MIPOL1: variants seen among roughly 807,000 people sequenced by gnomAD.
The protein encoded by MIPOL1 is mirror-image polydactyly 1.
A neutral mutation model predicts 60.9 loss-of-function variants in MIPOL1; 57 were observed. That is an observed-to-expected ratio of 0.94 (90% confidence interval 0.76 to 1.17). The LOEUF is 1.17. Ranked by LOEUF, MIPOL1 falls within the 50% of genes most tolerant of loss-of-function variation. The pLI, the probability that MIPOL1 is intolerant of heterozygous loss-of-function variation, is 0.00. For synonymous variants in MIPOL1, 179 were observed against 168.8 expected (o/e 1.06, Z -0.47); for missense variants, 551 against 511.6 (o/e 1.08, Z -0.74).
intron 7 of MIPOL1, among the ~76,000 whole-genome samples, chr14:37,303,465 A>G (rs778525480): frequency 1.3e-4 from 20 of 151,908 alleles, no homozygotes; most frequent in African/African-American, 2.2e-4. Flanking sequence ...GGTTTATTCT[A>G]TCTCTTTAAC....
chr14:37,250,382 T>C (rs1973890334), intron 3 of MIPOL1, among the ~76,000 whole-genome samples: 1 of 152,012 alleles, frequency 6.6e-6, no homozygotes, highest in African/African-American at 2.4e-5. Flanking sequence ...ATCCTGTCTC[T>C]ACTAAAAATA....
intron 12 of MIPOL1, among the ~76,000 whole-genome samples, chr14:37,521,885 G>GGAA (rs754408383): frequency 7.7e-6 from 1 of 130,352 alleles, no homozygotes; most frequent in Non-Finnish European, 1.6e-5. Context: ...TTTATCTAAA[G>GGAA]AAAAAAAAAT....
intron 10 of MIPOL1, among the ~76,000 whole-genome samples, chr14:37,375,323 C>G (rs1191208167): frequency 6.6e-6 from 1 of 152,098 alleles, no homozygotes; most frequent in African/African-American, 2.4e-5. Context: ...GTTCCCCCAC[C>G]TCAGCCTCCC....
At chr14:37,218,655 G>T (rs1402226137) in intron 1 of MIPOL1, among the ~76,000 whole-genome samples, 1 of 152,072 alleles carries the variant, frequency 6.6e-6, no homozygotes, top group Non-Finnish European at 1.5e-5. Flanking sequence ...AAAAACAGAG[G>T]CTGTGTGTGA....
At chr14:37,473,114 C>T (rs1034570053) in intron 11 of MIPOL1, among the ~76,000 whole-genome samples, 6 of 152,226 alleles carry the variant, frequency 3.9e-5, no homozygotes, top group Middle Eastern at 6.8e-3. Context: ...CCTGCGTGAT[C>T]GACTTGGTGC....
At position 37,393,400 on chromosome 14, in the gene MIPOL1, GTT is replaced by G. The variant is rs1290436340; in HGVS notation, c.936+23780_936+23781del. ...CTAAGGTTTTGTTTTGTTTTGTTTT[GTT>G]TTTGTGTGTGTGTGTGTGTGTGTGG... is the stretch of plus-strand genomic sequence containing the variant. On this transcript the variant is annotated intron_variant, in intron 10 of 12. Coordinates refer to ENST00000684589, the MANE Select transcript of MIPOL1 (RefSeq NM_001388067.1). 2.3e-3 allele frequency among the ~76,000 whole-genome samples: 31 copies of G among 13,246 alleles called. No homozygotes were observed. In the East Asian group the frequency reaches 0.043, roughly 18 times the overall value. 8.7% of individuals were successfully genotyped at this position (13,246 alleles called of 152,430 possible). A position where few individuals can be genotyped will look rare whatever the true frequency, so the allele number is the denominator to read the frequency against.
At chr14:37,295,301 G>T (rs2085529226) in intron 7 of MIPOL1, among the ~76,000 whole-genome samples, 1 of 152,148 alleles carries the variant, frequency 6.6e-6, no homozygotes, top group South Asian at 2.1e-4. Flanking sequence ...GCTCCTGAAG[G>T]AAGCACTAAC....
chr14:37,472,357 T>C (rs770557264), intron 11 of MIPOL1, among the ~76,000 whole-genome samples: 2 of 152,176 alleles, frequency 1.3e-5, no homozygotes, highest in Non-Finnish European at 2.9e-5. Context: ...GTAAAATTAC[T>C]TTTGTACCAG....
At chr14:37,544,149 G>C (rs1218394035) in intron 12 of MIPOL1, among the ~76,000 whole-genome samples, 1 of 152,158 alleles carries the variant, frequency 6.6e-6, no homozygotes, top group Non-Finnish European at 1.5e-5. Context: ...GAGCGTTTAA[G>C]TGTCATCAAG....
At chr14:37,525,073 AC>A (rs1177946686) in intron 12 of MIPOL1, among the ~76,000 whole-genome samples, 2 of 152,210 alleles carry the variant, frequency 1.3e-5, no homozygotes, top group Non-Finnish European at 2.9e-5. Context: ...TTCGTGTCCT[AC>A]CTTGAGTTAT....
intron 1 of MIPOL1, among the ~76,000 whole-genome samples, chr14:37,211,258 A>G (rs1259848289): frequency 6.8e-6 from 1 of 147,530 alleles, no homozygotes; most frequent in East Asian, 2.0e-4. Flanking sequence ...ACGAGAGCCA[A>G]AAATCAAGTG....
chr14:37,493,468 C>G (rs560934888), intron 11 of MIPOL1, among the ~76,000 whole-genome samples: 1 of 152,140 alleles, frequency 6.6e-6, no homozygotes, highest in Admixed American at 6.6e-5. Flanking sequence ...CCACTTCAGA[C>G]AGGAAATCTA....
At chr14:37,546,424 T>G (rs905073781) in intron 12 of MIPOL1, among the ~76,000 whole-genome samples, 4 of 152,196 alleles carry the variant, frequency 2.6e-5, no homozygotes, top group Non-Finnish European at 5.9e-5. Context: ...ATCAGCTGAT[T>G]CTATGAAAAG....
intron 10 of MIPOL1, among the ~76,000 whole-genome samples, chr14:37,402,544 A>C (rs960243542): frequency 2.0e-5 from 3 of 152,210 alleles, no homozygotes; most frequent in African/African-American, 7.2e-5. Flanking sequence ...TAAGCCATCC[A>C]GTGAAATTCT....
chr14:37,338,068 T>C (rs2090308646), intron 9 of MIPOL1, among the ~76,000 whole-genome samples: 1 of 151,798 alleles, frequency 6.6e-6, no homozygotes, highest in Non-Finnish European at 1.5e-5. Flanking sequence ...CCAACTTCAG[T>C]CTTTTGCATA....
chr14:37,360,434 G>C (rs1417469656), intron 9 of MIPOL1, among the ~76,000 whole-genome samples: 1 of 152,080 alleles, frequency 6.6e-6, no homozygotes, highest in East Asian at 1.9e-4. Flanking sequence ...ATTCGGATGT[G>C]ATCCATCTAG....
chr14:37,344,611 T>C (rs1405614289), intron 9 of MIPOL1, among the ~76,000 whole-genome samples: 2 of 152,196 alleles, frequency 1.3e-5, no homozygotes, highest in African/African-American at 4.8e-5. Flanking sequence ...TCTGTTACTA[T>C]ACTAATAATT....
chr14:37,367,004 T>A (rs908800994), intron 9 of MIPOL1, among the ~76,000 whole-genome samples: 1 of 152,002 alleles, frequency 6.6e-6, no homozygotes, highest in East Asian at 1.9e-4. Context: ...AGTGACAAAT[T>A]TAACAATTAA....
intron 11 of MIPOL1, among the ~76,000 whole-genome samples, chr14:37,448,183 T>A (rs941748215): frequency 2.6e-5 from 4 of 152,224 alleles, no homozygotes; most frequent in African/African-American, 9.6e-5. Context: ...AGAACCCCAG[T>A]TAGGTGCTAA....
Sources: gnomAD v4.1 joint callset for allele counts (sites outside exome capture counted in the v4.1 genomes callset) on GRCh38, gnomAD v4.1.1 for gene constraint, MANE v1.5 for transcripts, NCBI Gene and HGNC (gene_info 2026-07-23, HGNC 2026-07-21) for gene names.